Variants in LRRK1 observed in about 807,000 individuals in gnomAD.
LRRK1 encodes the protein leucine rich repeat kinase 1.
A neutral mutation model predicts 209.1 loss-of-function variants in LRRK1; 113 were observed. The observed-to-expected ratio is 0.54, with a 90% CI of 0.46 to 0.63. The LOEUF is 0.63. Ranked by LOEUF, LRRK1 falls within the 30% of genes least tolerant of loss-of-function variation. The probability of loss-of-function intolerance (pLI) is 0.00; values close to 1 mark genes in which losing one functional copy is unlikely to be tolerated. For missense variants in LRRK1, 2,284 were observed against 2,632.2 expected (o/e 0.87, Z 2.89); for synonymous variants, 1,144 against 1,099.7 (o/e 1.04, Z -0.80).
chr15:101,028,480 G>C (rs1293312054), intron 19 of LRRK1, among the ~76,000 whole-genome samples: 1 of 152,188 alleles, frequency 6.6e-6, no homozygotes, highest in Non-Finnish European at 1.5e-5. Context: ...TCAACAAAAA[G>C]CACAAAAATT....
At chr15:100,920,952 G>C (rs2042010303) in intron 1 of LRRK1, among the ~76,000 whole-genome samples, 1 of 152,036 alleles carries the variant, frequency 6.6e-6, no homozygotes, top group Non-Finnish European at 1.5e-5. Flanking sequence ...TCCAGCACTG[G>C]TCCCCTGCAC....
At chr15:101,033,569 G>A (rs57403687) in intron 20 of LRRK1, among the ~76,000 whole-genome samples, 15,722 of 152,132 alleles carry the variant, frequency 0.1, 1,294 homozygotes, top group East Asian at 0.44. Flanking sequence ...ATGACTTACA[G>A]TTTCATCCAT....
chr15:101,027,556 A>G lies in LRRK1; in HGVS notation c.2527-82A>G. On this transcript the variant is annotated intron_variant, in intron 18 of 33. Transcript: ENST00000388948. The surrounding 1 kb of genome is among the most constrained non-coding windows in gnomAD (Gnocchi z 5.1). ...TGGAAACGTCCCACCCCCTCAGGCC[A>G]CAGGGGCCGGGCAGGATCTGCCCAA... 6.4e-7 allele frequency: 1 copy of G among 1,555,142 alleles called. No homozygotes were observed. The highest frequency in any genetic ancestry group is 1.4e-5 in the African/African-American group (1 of 73,770).
chr15:101,066,740 G>C lies in LRRK1; in HGVS notation c.5869G>C (p.Gly1957Arg). 6.2e-7 allele frequency: 1 copy of C among 1,612,982 alleles called. No homozygotes were observed. The highest frequency in any genetic ancestry group is 8.5e-7 in the Non-Finnish European group (1 of 1,178,936). ...AAAAGCCCGAGAGCTGACTCCGCAT[G>C]GGTAAGACTGAGTGGCAGCTCCTTT... ...VLKARELTPH[G>R]VLVDAAVVAK... is the part of the protein sequence containing the mutation. Residue 1957 changes from glycine to arginine, a missense_variant and splice_region_variant, in exon 33 of 34, where the codon GGG becomes CGG. Transcript: ENST00000388948.
chr15:101,032,604 T>TTA (rs1308685657), intron 20 of LRRK1, among the ~76,000 whole-genome samples: 1 of 152,232 alleles, frequency 6.6e-6, no homozygotes, highest in African/African-American at 2.4e-5. Flanking sequence ...CAATCTTTCT[T>TTA]TATTTTTCTT....
intron 5 of LRRK1, among the ~76,000 whole-genome samples, 184 bp downstream of exon 5, chr15:100,988,997 G>A (rs2032020053): frequency 6.6e-6 from 1 of 152,196 alleles, no homozygotes; most frequent in Non-Finnish European, 1.5e-5. Context: ...CTCCTTACTT[G>A]CCCCCGCAAG....
chr15:100,949,448 C>A (rs1423591949), intron 2 of LRRK1, among the ~76,000 whole-genome samples: 1 of 152,112 alleles, frequency 6.6e-6, no homozygotes, highest in Non-Finnish European at 1.5e-5. Flanking sequence ...TTCTACCAAA[C>A]ATTTAAAGAA....
rs1396906691 is a variant in LRRK1, at chr15:101,066,040, G to C, written c.5603G>C (p.Ser1868Thr). The C allele has an allele frequency of 1.9e-6, 3 of 1,614,008 alleles. No individual in the cohort carries two copies. The highest frequency in any genetic ancestry group is 2.5e-6 in the Non-Finnish European group (3 of 1,180,046). ...SLPSSPASSSSVPFSTDCEDS... is the reference protein window; with the variant it reads ...SLPSSPASSSTVPFSTDCEDS... ...CCCAGCTCCCCAGCAAGTTCTTCCA[G>C]TGTGCCTTTCTCCACCGACTGCGAG... The change falls in exon 32 of 34, where the codon AGT (serine) becomes ACT (threonine). Residue 1868 changes from serine (S) to threonine (T), a missense_variant. Around this residue, in one of 6 missense-constraint regions of LRRK1, gnomAD observed 643 missense variants for 695.9 expected, o/e 0.92. Transcript: ENST00000388948.
At chr15:101,053,115 T>C (rs1262391070) in intron 25 of LRRK1, 27 bp downstream of exon 25, 2 of 1,596,598 alleles carry the variant, frequency 1.3e-6, no homozygotes, top group East Asian at 2.2e-5. Context: ...TTGGTGCTGT[T>C]TTTCTCAGAC....
intron 21 of LRRK1, among the ~76,000 whole-genome samples, chr15:101,046,968 C>T (rs182623962): frequency 1.0e-3 from 158 of 152,282 alleles, no homozygotes; most frequent in African/African-American, 3.7e-3. Context: ...CACCTGGGAA[C>T]GTGTGAGGAA....
chr15:101,010,826 G>T lies in LRRK1; in HGVS notation c.1270G>T (p.Ala424Ser). The change falls in exon 9 of 34, where the codon GCC becomes TCC. Residue 424 changes from alanine to serine, a missense_variant. Around this residue, in one of 6 missense-constraint regions of LRRK1, gnomAD observed 494 missense variants for 522.1 expected, o/e 0.95. Coordinates refer to ENST00000388948, the MANE Select transcript of LRRK1 (RefSeq NM_024652.6). ...CCTGAAGGTGTTTCCAGATCCCTGG[G>T]CCTGCCCTTTGGTGAGTATCACACC... is the stretch of plus-strand genomic sequence containing the variant. ...NNLKVFPDPW[A>S]CPLKCCKASR... 1 of 1,612,094 alleles carries T rather than the reference G, an allele frequency of 6.2e-7. No individual in the cohort carries two copies.
intron 27 of LRRK1, among the ~76,000 whole-genome samples, chr15:101,055,743 G>A (rs1261581091): frequency 6.6e-6 from 1 of 152,220 alleles, no homozygotes; most frequent in East Asian, 1.9e-4. Context: ...TTGAGACAAT[G>A]ACTAAATGTT....
intron 2 of LRRK1, among the ~76,000 whole-genome samples, chr15:100,957,148 A>G (rs1314473922): frequency 2.6e-5 from 4 of 152,198 alleles, no homozygotes. Flanking sequence ...CATTATGATA[A>G]GAAAAGAAAC....
Position 101,027,719 on chromosome 15 carries a change from C to G in LRRK1, c.2608C>G (p.Leu870Val). 1 of 1,612,186 alleles carries G rather than the reference C, an allele frequency of 6.2e-7. No individual in the cohort carries two copies. The highest frequency in any genetic ancestry group is 8.5e-7 in the Non-Finnish European group (1 of 1,179,366). ...RRSRDDDVQY[L>V]TDRQLEQLVE... ...CAGCCGGGACGACGACGTGCAGTAC[C>G]TGACGGACAGGCAGCTGGAGCAGCT... Residue 870 changes from leucine to valine, a missense_variant, in exon 19 of 34, where the codon CTG becomes GTG. Leu to Val is a conservative substitution (Grantham distance 32). Coordinates refer to ENST00000388948, the MANE Select transcript of LRRK1 (RefSeq NM_024652.6). This position sits in a 1 kb window ranked among gnomAD's most constrained non-coding sequence, Gnocchi z 5.1.
intron 2 of LRRK1, among the ~76,000 whole-genome samples, chr15:100,938,005 C>A (rs1267597121): frequency 6.7e-6 from 1 of 149,394 alleles, no homozygotes; most frequent in African/African-American, 2.6e-5. Context: ...CGCACACCAC[C>A]ATGCTTGGCT....
At chr15:101,065,247 A>G (rs980640165) in intron 31 of LRRK1, 105 bp from the exon 32 acceptor site, 10 of 1,397,474 alleles carry the variant, frequency 7.2e-6, no homozygotes, top group Non-Finnish European at 8.8e-6. Flanking sequence ...GTGGAAAGTG[A>G]CTGCCCGCCT....
rs777440970 is a variant in LRRK1, at chr15:101,057,057, G to A, written c.4527+7G>A. ...GGACACTAAGCCAGAGAAGGTACTT[G>A]GGGACACAGAGCCCAGGGCCTGGGA... On this transcript the variant is annotated splice_region_variant and intron_variant, in intron 28 of 33. Transcript: ENST00000388948. 2.8e-5 allele frequency: 44 copies of A among 1,595,104 alleles called. 1 individual carries two copies. In the South Asian group the frequency reaches 4.9e-4, roughly 18 times the overall value.
intron 29 of LRRK1, 79 bp from the exon 30 acceptor site, chr15:101,061,092 C>T: frequency 9.2e-7 from 1 of 1,081,408 alleles, no homozygotes; most frequent in Non-Finnish European, 1.4e-6. Context: ...ACGAGGCTCG[C>T]AGCTGGCAGG....
At chr15:100,959,537 G>T (rs1159733532) in intron 2 of LRRK1, among the ~76,000 whole-genome samples, 1 of 152,200 alleles carries the variant, frequency 6.6e-6, no homozygotes, top group Non-Finnish European at 1.5e-5. Context: ...AGATAAGGCA[G>T]ACACAGGAAC....
Sources: allele counts gnomAD v4.1 joint callset (sites outside exome capture counted in the v4.1 genomes callset), GRCh38; gene constraint gnomAD v4.1.1; regional missense constraint gnomAD v4.1.1; non-coding constraint Gnocchi (gnomAD v3.1); transcripts MANE v1.5; gene names NCBI Gene and HGNC (gene_info 2026-07-23, HGNC 2026-07-21).